The following PCDHA12 variants were observed in gnomAD, a reference collection of about 807,000 sequenced individuals.
The protein encoded by PCDHA12 is protocadherin alpha-12.
PCDHA12 carries 44 observed loss-of-function variants against 60.0 expected under a neutral mutation model. That is an observed-to-expected ratio of 0.73 (90% CI 0.58 to 0.94). PCDHA12 has a LOEUF of 0.94. Ranked by LOEUF, PCDHA12 falls within the 40% of genes least tolerant of loss-of-function variation. The pLI is 0.00. For missense variants in PCDHA12, 1,276 were observed against 1,239.7 expected, an observed-to-expected ratio of 1.03 and a Z score of -0.44; for synonymous variants, 569 against 553.0, an observed-to-expected ratio of 1.03 and a Z score of -0.40.
intron 1 of PCDHA12, chr5:140,927,071 GCCA>G (rs2083808355): frequency 4.3e-6 from 7 of 1,610,970 alleles, no homozygotes; most frequent in Non-Finnish European, 5.9e-6. Flanking sequence ...TTCCTTTCCA[GCCA>G]CCGCGAGCTC....
At chr5:140,913,857 T>C (rs1374392004) in intron 1 of PCDHA12, among the ~76,000 whole-genome samples, 3 of 152,208 alleles carry the variant, frequency 2.0e-5, no homozygotes, top group Admixed American at 6.5e-5. Context: ...CAGGAGCATA[T>C]TGTTTAATTT....
At chr5:140,897,367 T>G (rs1554187348) in intron 1 of PCDHA12, among the ~76,000 whole-genome samples, 1 of 125,642 alleles carries the variant, frequency 8.0e-6, no homozygotes, top group South Asian at 2.5e-4. Flanking sequence ...CAGAGTGTGA[T>G]GTTCCCTTCC....
intron 1 of PCDHA12, among the ~76,000 whole-genome samples, chr5:140,890,167 A>G (rs1423577741): frequency 6.6e-6 from 1 of 152,174 alleles, no homozygotes; most frequent in East Asian, 1.9e-4. Context: ...CTGCCACAGA[A>G]ATAGGCAAAT....
rs782073950 is a variant in PCDHA12, at chr5:140,978,950, C to G, written c.2369C>G (p.Pro790Arg). The G allele has an allele frequency of 1.2e-6, 2 of 1,614,102 alleles. No individual in the cohort carries two copies. The highest frequency in any genetic ancestry group is 1.7e-6 in the Non-Finnish European group (2 of 1,180,022). Reference sequence around the variant, plus strand: ...AAAACTCTCTTTGTGATTTTGCAGCCACGACAGCCCAACCCTGACTGGCGT... The same window carrying G: ...AAAACTCTCTTTGTGATTTTGCAGCGACGACAGCCCAACCCTGACTGGCGT... ...REDCLNPPSE[P>R]RQPNPDWRYS... The change falls in exon 2 of 4, where the codon CCA becomes CGA. Residue 790 changes from proline to arginine, a missense_variant and splice_region_variant. Coordinates refer to ENST00000398631, the MANE Select transcript of PCDHA12 (RefSeq NM_018903.4).
intron 3 of PCDHA12, among the ~76,000 whole-genome samples, chr5:140,992,185 C>G (rs1554252730): frequency 1.3e-5 from 2 of 152,102 alleles, no homozygotes; most frequent in African/African-American, 4.8e-5. Context: ...ATCATGCTTT[C>G]AGTGATCTAT....
At chr5:140,971,110 G>A (rs2096457221) in intron 1 of PCDHA12, among the ~76,000 whole-genome samples, 1 of 152,172 alleles carries the variant, frequency 6.6e-6, no homozygotes, top group Admixed American at 6.5e-5. Flanking sequence ...CTTTGGGATT[G>A]GGGTGGGCTA....
intron 1 of PCDHA12, chr5:140,968,168 A>T (rs145694919): frequency 3.1e-6 from 5 of 1,614,098 alleles, no homozygotes; most frequent in Non-Finnish European, 4.2e-6. Context: ...CAATCCACCA[A>T]GCTTCCTGGA....
chr5:140,892,596 T>C (rs143701120), intron 1 of PCDHA12, among the ~76,000 whole-genome samples: 79 of 152,254 alleles, frequency 5.2e-4, no homozygotes, highest in African/African-American at 1.4e-3. Flanking sequence ...CATTCACCTA[T>C]TTTTTTCCTT....
At chr5:141,003,424 G>A (rs1431935325) in intron 3 of PCDHA12, among the ~76,000 whole-genome samples, 1 of 152,122 alleles carries the variant, frequency 6.6e-6, no homozygotes, top group Non-Finnish European at 1.5e-5. Context: ...TGATTCTTAT[G>A]CCTCAGCCTC....
chr5:140,890,192 T>G (rs2062533503), intron 1 of PCDHA12, among the ~76,000 whole-genome samples: 1 of 151,744 alleles, frequency 6.6e-6, no homozygotes, highest in South Asian at 2.1e-4. Flanking sequence ...CAAAACAGAG[T>G]TTTTTGTTTT....
rs552420407 is a variant in PCDHA12, at chr5:140,883,937, G to A, written c.2367+6098G>A. Reference sequence around the variant, plus strand: ...CGTGACGCTGCAGGTGTTCGTGCTGGACGAGAACGACAACGCTCCGGCGCT... The same window carrying A: ...CGTGACGCTGCAGGTGTTCGTGCTGAACGAGAACGACAACGCTCCGGCGCT... On this transcript the variant is annotated intron_variant, in intron 1 of 3. Transcript: ENST00000398631. The A allele has an allele frequency of 5.6e-6, 9 of 1,613,414 alleles. 1 individual carries two copies. The South Asian group carries it at 9.9e-5, about 18-fold the overall frequency.
intron 3 of PCDHA12, among the ~76,000 whole-genome samples, chr5:141,004,550 G>A (rs1554259606): frequency 6.6e-6 from 1 of 152,222 alleles, no homozygotes; most frequent in African/African-American, 2.4e-5. Flanking sequence ...TCCTTTAACT[G>A]TGCAAGATGA....
intron 1 of PCDHA12, among the ~76,000 whole-genome samples, chr5:140,925,729 A>AAATATTTACAGAAAG (rs1334705925): frequency 8.6e-5 from 13 of 151,770 alleles, no homozygotes; most frequent in African/African-American, 2.9e-4. Context: ...GGTGTTTTCT[A>AAATATTTACAGAAAG]AATATTTACA....
chr5:140,876,473 G>A lies in PCDHA12; in HGVS notation c.1001G>A (p.Ser334Asn). 1 of 1,614,038 alleles carries A rather than the reference G, an allele frequency of 6.2e-7. No homozygotes were observed. The highest frequency in any genetic ancestry group is 1.1e-5 in the South Asian group (1 of 91,086). ...GGGATTCCTTCCATGGCAGGTCACA[G>A]CATGGTCCTGGTGGAAGTTCTGGAC... ...DKGIPSMAGHSMVLVEVLDVN... is the reference protein window; with the variant it reads ...DKGIPSMAGHNMVLVEVLDVN... Residue 334 changes from serine (S) to asparagine (N), a missense_variant, in exon 1 of 4, where the codon AGC becomes AAC. By Grantham distance (46) the Ser-to-Asn change is conservative (BLOSUM62 1). Coordinates refer to ENST00000398631, the MANE Select transcript of PCDHA12 (RefSeq NM_018903.4).
At chr5:140,971,181 C>T (rs1364149664) in intron 1 of PCDHA12, among the ~76,000 whole-genome samples, 1 of 152,104 alleles carries the variant, frequency 6.6e-6, no homozygotes, top group Non-Finnish European at 1.5e-5. Context: ...AGCTGTAAGC[C>T]GGAAGCTCAG....
At chr5:140,993,510 G>A (rs144120217) in intron 3 of PCDHA12, among the ~76,000 whole-genome samples, 7 of 129,138 alleles carry the variant, frequency 5.4e-5, no homozygotes, top group African/African-American at 1.4e-4. Context: ...ACACACACAC[G>A]GGGAGAGAGA....
chr5:140,890,732 TTA>T (rs2062774217), intron 1 of PCDHA12, among the ~76,000 whole-genome samples: 1 of 152,238 alleles, frequency 6.6e-6, no homozygotes, highest in Admixed American at 6.5e-5. Context: ...CCCTTTTGAC[TTA>T]TATACTATTT....
intron 3 of PCDHA12, among the ~76,000 whole-genome samples, chr5:141,000,640 C>G (rs2097954123): frequency 6.6e-6 from 1 of 151,256 alleles, no homozygotes; most frequent in South Asian, 2.1e-4. Flanking sequence ...GTTGGGCAGG[C>G]TGGTCTCGAA....
At chr5:140,927,602 T>G (rs2084408838) in intron 1 of PCDHA12, 1 of 1,614,104 alleles carries the variant, frequency 6.2e-7, no homozygotes, top group African/African-American at 1.3e-5. Context: ...GAGCGCTCCG[T>G]ATACCGCACC....
Sources: allele counts gnomAD v4.1 joint callset (sites outside exome capture counted in the v4.1 genomes callset), GRCh38; gene constraint gnomAD v4.1.1; transcripts MANE v1.5; gene names NCBI Gene and HGNC (gene_info 2026-07-23, HGNC 2026-07-21).